Variants in DUOX1 observed in about 807,000 individuals in gnomAD.
The protein encoded by DUOX1 is dual oxidase 1.
DUOX1 carries 134 observed loss-of-function variants against 181.8 expected under a neutral mutation model. That is an observed-to-expected ratio of 0.74 (90% confidence interval 0.64 to 0.85). DUOX1 has a LOEUF of 0.85. Ranked by LOEUF, DUOX1 falls within the 40% of genes least tolerant of loss-of-function variation. DUOX1 has a pLI of 0.00. For missense variants in DUOX1, 1,814 were observed against 2,064.4 expected (o/e 0.88, Z 2.35); for synonymous variants, 798 against 832.5 (o/e 0.96, Z 0.71).
At chr15:45,135,076 C>T (rs1270645612) in intron 4 of DUOX1, 28 bp from the exon 5 acceptor site, 1 of 1,607,216 alleles carries the variant, frequency 6.2e-7, no homozygotes, top group Non-Finnish European at 8.5e-7. Context: ...TCTGCTTGCC[C>T]TAGCACCCCC....
chr15:45,164,493 G>C (rs1278221569), intron 33 of DUOX1, among the ~76,000 whole-genome samples: 1 of 150,782 alleles, frequency 6.6e-6, no homozygotes, highest in Non-Finnish European at 1.5e-5. Flanking sequence ...TTTAAAGAAA[G>C]GGTATTGCTC....
chr15:45,153,523 T>TAATG, intron 26 of DUOX1, 44 bp downstream of exon 26: 7 of 1,079,016 alleles, frequency 6.5e-6, no homozygotes, highest in Admixed American at 1.9e-5. Flanking sequence ...TGTGTGTGTG[T>TAATG]GTGTGTGTGT....
chr15:45,153,743 T>A, intron 26 of DUOX1: 1 of 633,808 alleles, frequency 1.6e-6, no homozygotes, highest in African/African-American at 1.8e-5. Context: ...TCTCATTAGC[T>A]GGGCATGGTG....
At position 45,138,064 on chromosome 15, in the gene DUOX1, A is replaced by ATG. The variant is rs762476013; in HGVS notation, c.1113+62_1113+63dup. On this transcript the variant is annotated intron_variant, in intron 10 of 33. Coordinates refer to ENST00000389037, the MANE Select transcript of DUOX1 (RefSeq NM_175940.3). ...GGTGGATGTGTGTGTGTGCATGCTT[A>ATG]TGTGTGTGTGTGTATGTGTGTGTGT... 3.0e-4 allele frequency: 312 copies of ATG among 1,026,526 alleles called. 1 individual carries two copies. Among genetic ancestry groups the ATG allele is most frequent in the Admixed American group, 6.4e-4 (30 of 46,742 alleles). 63.6% of individuals were successfully genotyped at this position (1,026,526 alleles called of 1,614,324 possible).
intron 27 of DUOX1, 74 bp downstream of exon 27, chr15:45,154,074 G>C: frequency 7.1e-7 from 1 of 1,409,952 alleles, no homozygotes; most frequent in Non-Finnish European, 1.0e-6. Flanking sequence ...CTGCACCCCA[G>C]AGCAACCCAC....
At chr15:45,140,050 C>G in intron 12 of DUOX1, 1 of 1,372,466 alleles carries the variant, frequency 7.3e-7, no homozygotes, top group East Asian at 4.1e-5. Context: ...CATGCCTTAC[C>G]CATTCCTGGT....
Position 45,145,041 on chromosome 15 carries a change from G to A in DUOX1, c.2283G>A (p.Arg761=). The A allele has an allele frequency of 6.2e-7, 1 of 1,612,538 alleles. No homozygotes were observed. The highest frequency in any genetic ancestry group is 1.3e-5 in the African/African-American group (1 of 74,932). ...MRAAVTREQR[R]HLLETFFRHL... ...CAGCTGTGACACGGGAGCAGCGGAG[G>A]CACCTCCTGGAGACCTTTTTCAGGC... Residue 761 remains arginine, a synonymous_variant, in exon 18 of 34, where the codon AGG becomes AGA. Transcript: ENST00000389037.
At chr15:45,154,129 G>A (rs1170471878) in intron 27 of DUOX1, 129 bp downstream of exon 27, 1 of 848,220 alleles carries the variant, frequency 1.2e-6, no homozygotes, top group Non-Finnish European at 2.0e-6. Flanking sequence ...CTGTCCTCTG[G>A]CCTGAGGACA....
chr15:45,144,103 C>A lies in DUOX1; in HGVS notation c.2004C>A (p.Ile668=). Residue 668 remains isoleucine (I), a synonymous_variant, in exon 17 of 34, where the codon ATC becomes ATA. Coordinates refer to ENST00000389037, the MANE Select transcript of DUOX1 (RefSeq NM_175940.3). ...TTGTGTACCTGCAGCCCGGGCAGAT[C>A]CGTGTGGTAGATGGCAGGCTCACCG... ...PVLVYLQPGQ[I]RVVDGRLTVL... The A allele has an allele frequency of 6.2e-7, 1 of 1,614,062 alleles. No individual in the cohort carries two copies. The highest frequency in any genetic ancestry group is 8.5e-7 in the Non-Finnish European group (1 of 1,180,046).
rs541025501 is a variant in DUOX1, at chr15:45,150,898, C to T, written c.2888+197C>T. Among the ~76,000 whole-genome samples, 15 of 152,320 alleles carry T rather than the reference C, an allele frequency of 9.8e-5. No individual in the cohort carries two copies. In the South Asian group the frequency reaches 2.5e-3, roughly 25 times the overall value. ...CCTGCTGGATTTCCGCTCTCACTTA[C>T]GGCCTGGCCCAGATGCCCTTGTGAA... On this transcript the variant is annotated intron_variant, in intron 22 of 33. Coordinates refer to ENST00000389037, the MANE Select transcript of DUOX1 (RefSeq NM_175940.3).
At chr15:45,150,981 A>AG (rs1185405106) in intron 22 of DUOX1, 142 bp from the exon 23 acceptor site, 1 of 1,218,326 alleles carries the variant, frequency 8.2e-7, no homozygotes, top group Non-Finnish European at 1.2e-6. Flanking sequence ...CTCTGTCTAT[A>AG]GGTGACTGTG....
intron 11 of DUOX1, 101 bp downstream of exon 11, chr15:45,139,269 G>T: frequency 6.2e-7 from 1 of 1,605,652 alleles, no homozygotes. Context: ...CTGGGGCTGG[G>T]AGCCTGCACT....
chr15:45,131,198 G>T (rs192056371), intron 1 of DUOX1, among the ~76,000 whole-genome samples: 5 of 152,026 alleles, frequency 3.3e-5, no homozygotes, highest in African/African-American at 7.3e-5. Flanking sequence ...CTCCTTACTC[G>T]CACTCAGGAG....
chr15:45,151,929 C>A lies in DUOX1; in HGVS notation c.3070C>A (p.Arg1024Ser). ...FTEAHREKFQ[R>S]SCLHQTVQQF... is the part of the protein sequence containing the mutation. ...TGAGGCGCACCGAGAGAAGTTCCAA[C>A]GCAGCTGTCTCCACCAGACGGTGCA... Residue 1024 changes from arginine (R) to serine (S), a missense_variant, in exon 24 of 34, where the codon CGC becomes AGC. Arg to Ser is a moderately radical substitution (Grantham distance 110, BLOSUM62 -1). Around this residue, in one of 5 missense-constraint regions of DUOX1, gnomAD observed 1,064 missense variants for 1,152.9 expected, o/e 0.92. Transcript: ENST00000389037. The A allele has an allele frequency of 6.2e-7, 1 of 1,614,092 alleles. No homozygotes were observed. The highest frequency in any genetic ancestry group is 1.1e-5 in the South Asian group (1 of 91,082).
In DUOX1 at chr15:45,130,072, C is replaced by T. The variant is rs956819532; in HGVS notation, c.-76C>T. On this transcript the variant is annotated 5_prime_UTR_variant, in exon 1 of 34. Coordinates refer to ENST00000389037, the MANE Select transcript of DUOX1 (RefSeq NM_175940.3). ...CCAGGCCGGAGACAAGTTGCAGTCC[C>T]GGGCTCTGGTGACGCCGTGGCCGCA... The T allele has an allele frequency of 2.0e-5, 3 of 152,288 alleles. No individual in the cohort carries two copies. Among genetic ancestry groups the T allele is most frequent in the African/African-American group, 7.2e-5 (3 of 41,466 alleles). 9.4% of individuals were successfully genotyped at this position (152,288 alleles called of 1,614,324 possible). A position where few individuals can be genotyped will look rare whatever the true frequency, so the allele number is the denominator to read the frequency against.
rs766396414 is a variant in DUOX1, at chr15:45,163,776, C to T, written c.4405-14C>T. The T allele has an allele frequency of 1.2e-6, 2 of 1,613,906 alleles. No homozygotes were observed. The highest frequency in any genetic ancestry group is 1.7e-6 in the Non-Finnish European group (2 of 1,179,834). On this transcript the variant is annotated splice_polypyrimidine_tract_variant and intron_variant, in intron 32 of 33. Coordinates refer to ENST00000389037, the MANE Select transcript of DUOX1 (RefSeq NM_175940.3). ...GTGCCTGGCTGAACTTTGTTCCACCCTTCCCTACCATAGTACATCTGTGAG... is the reference window on the plus strand; with the variant it reads ...GTGCCTGGCTGAACTTTGTTCCACCTTTCCCTACCATAGTACATCTGTGAG...
Position 45,139,495 on chromosome 15 carries a change from G to C in DUOX1, c.1285G>C (p.Asp429His). ...HLASCLQRGR[D>H]LGLPSYTKAR... The stretch of plus-strand genomic sequence containing the variant: ...GGCCAGCTGCCTGCAGCGGGGCCGG[G>C]ATCTGGGCCTGCCCTCTTACACCAA... Residue 429 changes from aspartate (D) to histidine (H), a missense_variant, in exon 12 of 34, where the codon GAT becomes CAT. Asp to His is a moderately conservative substitution (Grantham distance 81, BLOSUM62 -1). Transcript: ENST00000389037. 6.2e-7 allele frequency: 1 copy of C among 1,613,342 alleles called. No individual in the cohort carries two copies. The highest frequency in any genetic ancestry group is 8.5e-7 in the Non-Finnish European group (1 of 1,179,812).
rs1595583183 is a variant in DUOX1, at chr15:45,144,235, G to A, written c.2136G>A (p.Leu712=). The A allele has an allele frequency of 1.2e-6, 2 of 1,613,936 alleles. No individual in the cohort carries two copies. The highest frequency in any genetic ancestry group is 1.7e-6 in the Non-Finnish European group (2 of 1,180,030). The part of the protein sequence containing the change: ...LLLKIPKEYD[L]VLLFNLEEER... Reference sequence around the variant, plus strand: ...TCAAGATCCCCAAGGAGTATGACCTGGTATGGCTCAGCTGGCATCTGGCTC... The same window carrying A: ...TCAAGATCCCCAAGGAGTATGACCTAGTATGGCTCAGCTGGCATCTGGCTC... The change falls in exon 17 of 34, where the codon CTG becomes CTA. Residue 712 remains leucine (L), a splice_region_variant and synonymous_variant. Coordinates refer to ENST00000389037, the MANE Select transcript of DUOX1 (RefSeq NM_175940.3).
At chr15:45,139,304 G>GA (rs2141262285) in intron 11 of DUOX1, 123 bp from the exon 12 acceptor site, 2 of 1,592,742 alleles carry the variant, frequency 1.3e-6, no homozygotes, top group South Asian at 2.3e-5. Context: ...AAGAGCTTCT[G>GA]ACATGCTGAC....
Sources: allele counts gnomAD v4.1 joint callset (sites outside exome capture counted in the v4.1 genomes callset), GRCh38; gene constraint gnomAD v4.1.1; regional missense constraint gnomAD v4.1.1; transcripts MANE v1.5; gene names NCBI Gene and HGNC (gene_info 2026-07-23, HGNC 2026-07-21).